ZFHX2: variants seen among roughly 807,000 people sequenced by gnomAD.
ZFHX2 encodes the protein zinc finger homeobox 2.
A neutral mutation model predicts 164.8 loss-of-function variants in ZFHX2; 75 were observed. The ratio of observed to expected loss-of-function variants is 0.46; its 90% CI spans 0.38 to 0.55. The LOEUF is 0.55. Ranked by LOEUF, ZFHX2 falls within the 20% of genes least tolerant of loss-of-function variation. ZFHX2 has a pLI of 0.00. For synonymous variants in ZFHX2, 1,217 were observed against 1,351.4 expected (o/e 0.90, Z 2.18); for missense variants, 2,933 against 3,308.0 (o/e 0.89, Z 2.78).
In ZFHX2 at chr14:23,524,296, T is replaced by C. The variant is rs1293717050; in HGVS notation, c.5646A>G (p.Pro1882=). 6.5e-7 allele frequency: 1 copy of C among 1,536,324 alleles called. No individual in the cohort carries two copies. The highest frequency in any genetic ancestry group is 1.2e-5 in the South Asian group (1 of 84,062). ...AGATGCAGTCGAGCATCTTGCGTGTTGGGTTGGAATCCTGCATGTACCAAC... is the reference window on the plus strand; with the variant it reads ...AGATGCAGTCGAGCATCTTGCGTGTCGGGTTGGAATCCTGCATGTACCAAC... The part of the protein sequence containing the change: ...LYRWYMQDSN[P]TRKMLDCISE... Residue 1882 remains proline, a synonymous_variant, in exon 9 of 10, where the codon CCA becomes CCG. Transcript: ENST00000419474. This position sits in a 1 kb window ranked among gnomAD's most constrained non-coding sequence, Gnocchi z 5.6.
chr14:23,524,736 G>C lies in ZFHX2; in HGVS notation c.5206C>G (p.Pro1736Ala), dbSNP rs539738497. The C allele has an allele frequency of 5.2e-6, 8 of 1,536,232 alleles. No homozygotes were observed. In the African/African-American group the frequency reaches 1.1e-4, roughly 21 times the overall value. Residue 1736 changes from proline to alanine, a missense_variant, in exon 9 of 10, where the codon CCA becomes GCA. Coordinates refer to ENST00000419474, the MANE Select transcript of ZFHX2 (RefSeq NM_033400.3). This position sits in a 1 kb window ranked among gnomAD's most constrained non-coding sequence, Gnocchi z 5.6. ...AGCTCCTCCCCATCTGGAGGCTCTG[G>C]TAATGGGCCCTCAGGCCCTGCTGGA... ...EPPAGPEGPL[P>A]EPPDGEELSQ...
Position 23,526,164 on chromosome 14 carries a change from T to C in ZFHX2, c.3778A>G (p.Ser1260Gly), listed in dbSNP as rs1345695709. ...CGCATGTGGATCTCCAGGGTGGAGC[T>C]CTGGTTGTAGGAGACTCTGCAGACT... ...CTVCRVSYNQSSTLEIHMRSV... is the reference protein window; with the variant it reads ...CTVCRVSYNQGSTLEIHMRSV... The change falls in exon 9 of 10, where the codon AGC (serine) becomes GGC (glycine). Residue 1260 changes from serine (S) to glycine (G), a missense_variant. Transcript: ENST00000419474. 2 of 1,536,310 alleles carry C rather than the reference T, an allele frequency of 1.3e-6. No homozygotes were observed. Among genetic ancestry groups the C allele is most frequent in the South Asian group, 2.4e-5 (2 of 84,040 alleles).
intron 1 of ZFHX2, among the ~76,000 whole-genome samples, chr14:23,550,982 C>T (rs1881889807): frequency 6.6e-6 from 1 of 152,068 alleles, no homozygotes. Flanking sequence ...CCGGGATCCC[C>T]GCTCCCTGCC....
At position 23,532,666 on chromosome 14, in the gene ZFHX2, G is replaced by A. The variant is rs1357574491; in HGVS notation, c.2460C>T (p.His820=). The stretch of plus-strand genomic sequence containing the variant: ...CAAAGTCACAGATGTTGCAGCGCAG[G>A]TGTAGTGGGGAGACAGACCCATAAG... ...GAPYGSVSPL[H]LRCNICDFES... Residue 820 remains histidine (H), a synonymous_variant, in exon 3 of 10, where the codon CAC becomes CAT. Coordinates refer to ENST00000419474, the MANE Select transcript of ZFHX2 (RefSeq NM_033400.3). The A allele has an allele frequency of 1.5e-5, 23 of 1,508,784 alleles. No individual in the cohort carries two copies. Among genetic ancestry groups the A allele is most frequent in the Non-Finnish European group, 1.9e-5 (21 of 1,131,952 alleles). The allele number at this position is 1,508,784 out of a possible 1,614,324, so 93.5% of individuals were successfully genotyped here.
chr14:23,530,794 CCAGT>C, intron 4 of ZFHX2: 1 of 268,924 alleles, frequency 3.7e-6, no homozygotes, highest in South Asian at 3.7e-5. Flanking sequence ...TCAATTAGCA[CCAGT>C]CAATGCTGCG....
In ZFHX2 at chr14:23,524,735, G is replaced by A. The variant is rs1878483735; in HGVS notation, c.5207C>T (p.Pro1736Leu). 1 of 1,536,234 alleles carries A rather than the reference G, an allele frequency of 6.5e-7. No individual in the cohort carries two copies. The highest frequency in any genetic ancestry group is 1.4e-5 in the African/African-American group (1 of 73,004). ...EPPAGPEGPL[P>L]EPPDGEELSQ... ...CAGCTCCTCCCCATCTGGAGGCTCT[G>A]GTAATGGGCCCTCAGGCCCTGCTGG... is the stretch of plus-strand genomic sequence containing the variant. Residue 1736 changes from proline (P) to leucine (L), a missense_variant, in exon 9 of 10, where the codon CCA (proline) becomes CTA (leucine). Coordinates refer to ENST00000419474, the MANE Select transcript of ZFHX2 (RefSeq NM_033400.3). The surrounding 1 kb of genome is among the most constrained non-coding windows in gnomAD (Gnocchi z 5.6).
At chr14:23,529,923 G>T (rs916426043) in intron 5 of ZFHX2, among the ~76,000 whole-genome samples, 155 bp from the exon 6 acceptor site, 7 of 152,158 alleles carry the variant, frequency 4.6e-5, no homozygotes, top group African/African-American at 1.7e-4. Flanking sequence ...GGGTCAGTAG[G>T]ATGGTCAGGT....
chr14:23,532,912 G>A lies in ZFHX2; in HGVS notation c.2214C>T (p.His738=), dbSNP rs1566584195. 3 of 1,536,258 alleles carry A rather than the reference G, an allele frequency of 2.0e-6. No individual in the cohort carries two copies. The South Asian group carries it at 3.6e-5, about 18-fold the overall frequency. The change falls in exon 3 of 10, where the codon CAC becomes CAT. Residue 738 remains histidine, a synonymous_variant. Coordinates refer to ENST00000419474, the MANE Select transcript of ZFHX2 (RefSeq NM_033400.3). ...STDSLELLLY[H]CSIGRSLPEA... ...CCGGGAGGCTCCGGCCTATGCTGCAGTGGTAGAGCAGCAGCTCCAGGCTGT... is the reference window on the plus strand; with the variant it reads ...CCGGGAGGCTCCGGCCTATGCTGCAATGGTAGAGCAGCAGCTCCAGGCTGT...
In ZFHX2 at chr14:23,534,967, C is replaced by T. The variant is rs1879988217; in HGVS notation, c.359G>A (p.Gly120Asp). 1.3e-6 allele frequency: 2 copies of T among 1,536,040 alleles called. No individual in the cohort carries two copies. The highest frequency in any genetic ancestry group is 1.4e-5 in the African/African-American group (1 of 73,046). Reference protein sequence around the residue: ...LSNHLFFTAGGEAYLVAKLSL... With the variant: ...LSNHLFFTAGDEAYLVAKLSL... ...CAGCTTGGCCACTAGGTAGGCCTCA[C>T]CTCCAGCTGTGAAGAATAAGTGGTT... The change falls in exon 2 of 10, where the codon GGT (glycine) becomes GAT (aspartate). Residue 120 changes from glycine (G) to aspartate (D), a missense_variant. By Grantham distance (94) the Gly-to-Asp change is moderately conservative (BLOSUM62 -1). Transcript: ENST00000419474. This position sits in a 1 kb window ranked among gnomAD's most constrained non-coding sequence, Gnocchi z 4.5.
At chr14:23,528,746 T>C in intron 6 of ZFHX2, 4 of 985,426 alleles carry the variant, frequency 4.1e-6, no homozygotes, top group Non-Finnish European at 4.8e-6. Context: ...GCTCCCCCAG[T>C]GGCCCAGGAA....
chr14:23,529,990 C>A, intron 5 of ZFHX2, 130 bp downstream of exon 5: 2 of 1,063,666 alleles, frequency 1.9e-6, no homozygotes. Context: ...CCTCCCTTCC[C>A]CCTGATGAGC....
Position 23,526,659 on chromosome 14 carries a change from C to T in ZFHX2, c.3283G>A (p.Glu1095Lys), listed in dbSNP as rs746101292. The change falls in exon 9 of 10, where the codon GAA becomes AAA. Residue 1095 changes from glutamate to lysine, a missense_variant. Coordinates refer to ENST00000419474, the MANE Select transcript of ZFHX2 (RefSeq NM_033400.3). The stretch of plus-strand genomic sequence containing the variant: ...TCAGGAAGAGGATCTGGACTGGCTT[C>T]TGGGGTCAGGTTAGGGCCTTCTAGG... ...QAAEGPNLTP[E>K]ASPDPLPEPP... 1 of 1,535,930 alleles carries T rather than the reference C, an allele frequency of 6.5e-7. No homozygotes were observed. The highest frequency in any genetic ancestry group is 8.7e-7 in the Non-Finnish European group (1 of 1,146,882).
At chr14:23,549,029 C>A (rs1285713912) in intron 1 of ZFHX2, among the ~76,000 whole-genome samples, 8 of 152,156 alleles carry the variant, frequency 5.3e-5, no homozygotes, top group Non-Finnish European at 1.0e-4. Flanking sequence ...GTACCATACT[C>A]TCTTCCCATC....
rs1415927357 is a variant in ZFHX2 at position 23,534,548 on chromosome 14, C to T, written c.778G>A (p.Gly260Arg). The T allele has an allele frequency of 5.4e-5, 83 of 1,536,020 alleles. No homozygotes were observed. Among genetic ancestry groups the T allele is most frequent in the Non-Finnish European group, 7.1e-5 (81 of 1,146,916 alleles). Residue 260 changes from glycine to arginine, a missense_variant, in exon 2 of 10, where the codon GGG becomes AGG. Transcript: ENST00000419474. This position sits in a 1 kb window ranked among gnomAD's most constrained non-coding sequence, Gnocchi z 4.5. ...QAFMDHTQSH[G>R]VKLTPAQYQG... Reference sequence around the variant, plus strand: ...TATTGGGCAGGGGTTAGCTTCACCCCATGAGACTGTGTGTGATCCATAAAG... The same window carrying T: ...TATTGGGCAGGGGTTAGCTTCACCCTATGAGACTGTGTGTGATCCATAAAG...
chr14:23,521,684 T>C lies in ZFHX2; in HGVS notation c.*278A>G, dbSNP rs1566566725. Reference sequence around the variant, plus strand: ...GGCAGACATGTATGAATAATCAGGGTGCCAAGATGGGTGTATGTGTCTGTG... The same window carrying C: ...GGCAGACATGTATGAATAATCAGGGCGCCAAGATGGGTGTATGTGTCTGTG... On this transcript the variant is annotated 3_prime_UTR_variant, in exon 10 of 10. Coordinates refer to ENST00000419474, the MANE Select transcript of ZFHX2 (RefSeq NM_033400.3). The C allele has an allele frequency of 2.3e-6, 1 of 430,848 alleles. No homozygotes were observed. Among genetic ancestry groups the C allele is most frequent in the Non-Finnish European group, 4.1e-6 (1 of 243,440 alleles). The allele number at this position is 430,848 out of a possible 1,614,324, so 26.7% of individuals were successfully genotyped here. A position where few individuals can be genotyped will look rare whatever the true frequency, so the allele number is the denominator to read the frequency against.
At chr14:23,531,358 T>C in intron 4 of ZFHX2, 123 bp downstream of exon 4, 1 of 1,280,960 alleles carries the variant, frequency 7.8e-7, no homozygotes, top group Non-Finnish European at 1.0e-6. Context: ...TCTTCCCATT[T>C]AGTATAGGTG....
At chr14:23,531,447 C>T (rs1255614284) in intron 4 of ZFHX2, 34 bp downstream of exon 4, 8 of 1,375,064 alleles carry the variant, frequency 5.8e-6, no homozygotes, top group Non-Finnish European at 7.5e-6. Context: ...GCCCTCCCTG[C>T]CCAGCTCTTA....
At position 23,532,753 on chromosome 14, in the gene ZFHX2, G is replaced by T. The variant is rs545661382; in HGVS notation, c.2373C>A (p.His791Gln). 3.3e-6 allele frequency: 5 copies of T among 1,536,240 alleles called. No individual in the cohort carries two copies. Among genetic ancestry groups the T allele is most frequent in the Non-Finnish European group, 4.4e-6 (5 of 1,146,920 alleles). The part of the protein sequence containing the change: ...KHAQKYQLAA[H>Q]LREGGGAMGT... ...CCATGGCTCCACCCCCCTCCCGCAG[G>T]TGGGCTGCCAGCTGGTACTTCTGAG... Residue 791 changes from histidine (H) to glutamine (Q), a missense_variant, in exon 3 of 10, where the codon CAC (histidine) becomes CAA (glutamine). Coordinates refer to ENST00000419474, the MANE Select transcript of ZFHX2 (RefSeq NM_033400.3).
In ZFHX2 at chr14:23,532,727, C is replaced by G. The variant is rs904293923; in HGVS notation, c.2399G>C (p.Gly800Ala). ...TCCCAGGGATGCTGGGGAAGGGGTG[C>G]CCATGGCTCCACCCCCCTCCCGCAG... ...AHLREGGGAMGTPSPASLGDG... is the reference protein window; with the variant it reads ...AHLREGGGAMATPSPASLGDG... Residue 800 changes from glycine (G) to alanine (A), a missense_variant, in exon 3 of 10, where the codon GGC (glycine) becomes GCC (alanine). By Grantham distance (60) the Gly-to-Ala change is moderately conservative. Coordinates refer to ENST00000419474, the MANE Select transcript of ZFHX2 (RefSeq NM_033400.3). The G allele has an allele frequency of 7.8e-6, 12 of 1,535,366 alleles. No homozygotes were observed. In the African/African-American group the frequency reaches 1.4e-4, roughly 18 times the overall value.
Sources: gnomAD v4.1 joint callset for allele counts (sites outside exome capture counted in the v4.1 genomes callset) on GRCh38, gnomAD v4.1.1 for gene constraint, Gnocchi (gnomAD v3.1) non-coding constraint, MANE v1.5 for transcripts, NCBI Gene and HGNC (gene_info 2026-07-23, HGNC 2026-07-21) for gene names.